Variants in PRKN observed in about 807,000 individuals in gnomAD.
The protein encoded by PRKN is parkin RBR E3 ubiquitin protein ligase, also known as E3 ubiquitin-protein ligase parkin.
A neutral mutation model predicts 59.5 loss-of-function variants in PRKN; 56 were observed. That is an observed-to-expected ratio of 0.94 (90% CI 0.76 to 1.18). The LOEUF (loss-of-function observed/expected upper bound fraction) is 1.18, where lower values mean the gene tolerates loss of function less well. Ranked by LOEUF, PRKN falls within the 50% of genes most tolerant of loss-of-function variation. The pLI, the probability that PRKN is intolerant of heterozygous loss-of-function variation, is 0.00. For missense variants in PRKN, 657 were observed against 596.4 expected, an observed-to-expected ratio of 1.10 and a Z score of -1.06; for synonymous variants, 250 against 222.1, an observed-to-expected ratio of 1.13 and a Z score of -1.12.
intron 9 of PRKN, among the ~76,000 whole-genome samples, chr6:161,408,879 C>T (rs1250915670): frequency 6.6e-6 from 1 of 152,094 alleles, no homozygotes; most frequent in African/African-American, 2.4e-5. Flanking sequence ...TATATGCTAT[C>T]CCCCCAAGTA....
chr6:162,548,191 C>G (rs910357876), intron 1 of PRKN, among the ~76,000 whole-genome samples: 1 of 152,100 alleles, frequency 6.6e-6, no homozygotes, highest in African/African-American at 2.4e-5. Flanking sequence ...TCCTGAGTAG[C>G]TAGGACTACA....
intron 7 of PRKN, among the ~76,000 whole-genome samples, chr6:161,621,807 T>C (rs9365308): frequency 0.21 from 32,626 of 152,132 alleles, 4,292 homozygotes; most frequent in East Asian, 0.57. Flanking sequence ...TGAGAAAGGA[T>C]GTGAATCAAG....
At position 161,549,937 on chromosome 6, in the gene PRKN, G is replaced by A. The variant is rs1267072219; in HGVS notation, c.934-934C>T. 6.6e-6 allele frequency among the ~76,000 whole-genome samples: 1 copy of A among 152,102 alleles called. No homozygotes were observed. The highest frequency in any genetic ancestry group is 2.4e-5 in the African/African-American group (1 of 41,400). On this transcript the variant is annotated intron_variant, in intron 8 of 11. Transcript: ENST00000366898. This position sits in a 1 kb window ranked among gnomAD's most constrained non-coding sequence, Gnocchi z 6.0. Reference sequence around the variant, plus strand: ...GGTTAGAATGTCTAGGATTTCCAATGGTGCTAAGTGAGGAAGAAAATAATC... The same window carrying A: ...GGTTAGAATGTCTAGGATTTCCAATAGTGCTAAGTGAGGAAGAAAATAATC...
chr6:161,816,457 T>G (rs1791785664), intron 6 of PRKN, among the ~76,000 whole-genome samples: 1 of 152,280 alleles, frequency 6.6e-6, no homozygotes, highest in East Asian at 1.9e-4. Flanking sequence ...GGTGTATACA[T>G]GTATCATGAC....
At position 162,660,760 on chromosome 6, in the gene PRKN, T is replaced by C. The variant is rs554958567; in HGVS notation, c.7+66902A>G. Among the ~76,000 whole-genome samples, 4 of 152,036 alleles carry C rather than the reference T, an allele frequency of 2.6e-5. No individual in the cohort carries two copies. The East Asian group carries it at 7.7e-4, about 29-fold the overall frequency. On this transcript the variant is annotated intron_variant, in intron 1 of 11. Coordinates refer to ENST00000366898, the MANE Select transcript of PRKN (RefSeq NM_004562.3). ...ATGAGTGATTGCTGTCCACATGGTC[T>C]GTTCATTGATCTTAAAACCGTCAGC...
intron 7 of PRKN, among the ~76,000 whole-genome samples, chr6:161,596,303 TA>T (rs979588481): frequency 4.0e-5 from 6 of 150,800 alleles, no homozygotes; most frequent in East Asian, 1.9e-4. Flanking sequence ...GGTTGGAGGT[TA>T]AAAAAAAACA....
intron 9 of PRKN, among the ~76,000 whole-genome samples, chr6:161,523,832 C>T (rs763796985): frequency 2.6e-5 from 4 of 152,026 alleles, no homozygotes; most frequent in Non-Finnish European, 4.4e-5. Context: ...TTTTGCAAAA[C>T]ATTTGAACAC....
chr6:161,906,670 ATATATG>A lies in PRKN; in HGVS notation c.734+66626_734+66631del, dbSNP rs928681788. On this transcript the variant is annotated intron_variant, in intron 6 of 11. Coordinates refer to ENST00000366898, the MANE Select transcript of PRKN (RefSeq NM_004562.3). ...TCTAATAGAACATACATATATATAT[ATATATG>A]TATATATGAGTTTATTTAGTAGTAT... 6.3e-4 allele frequency among the ~76,000 whole-genome samples: 73 copies of A among 116,660 alleles called. 3 individuals carry two copies. The highest frequency in any genetic ancestry group is 2.3e-3 in the Admixed American group (27 of 11,838). 76.5% of individuals were successfully genotyped at this position (116,660 alleles called of 152,430 possible).
In PRKN at chr6:161,422,314, T is replaced by C. The variant is rs1483928453; in HGVS notation, c.1084-35437A>G. Reference sequence around the variant, plus strand: ...TCTGAGTTCAAGTGGTTCTCCTGCTTCAGCCTCCCAAGCAGCTGGGACTAC... The same window carrying C: ...TCTGAGTTCAAGTGGTTCTCCTGCTCCAGCCTCCCAAGCAGCTGGGACTAC... On this transcript the variant is annotated intron_variant, in intron 9 of 11. Coordinates refer to ENST00000366898, the MANE Select transcript of PRKN (RefSeq NM_004562.3). Among the ~76,000 whole-genome samples, 3 of 151,862 alleles carry C rather than the reference T, an allele frequency of 2.0e-5. No homozygotes were observed. The East Asian group carries it at 5.8e-4, about 29-fold the overall frequency.
intron 1 of PRKN, among the ~76,000 whole-genome samples, chr6:162,689,385 G>A (rs897773560): frequency 1.2e-4 from 18 of 152,180 alleles, no homozygotes; most frequent in Non-Finnish European, 1.3e-4. Context: ...AAACTGCTAG[G>A]TATTCTTTAC....
At position 161,497,577 on chromosome 6, in the gene PRKN, T is replaced by A. The variant is rs7739983; in HGVS notation, c.1083+51277A>T. On this transcript the variant is annotated intron_variant, in intron 9 of 11. Coordinates refer to ENST00000366898, the MANE Select transcript of PRKN (RefSeq NM_004562.3). The surrounding 1 kb of genome is among the most constrained non-coding windows in gnomAD (Gnocchi z 4.6). ...ATGTCTCTCTCTCTCTCTCTCTCTC[T>A]CACACACACACACACACACACCATA... Among the ~76,000 whole-genome samples, 43,132 of 147,042 alleles carry A rather than the reference T, an allele frequency of 0.29. 6,793 individuals are homozygous for A. Among genetic ancestry groups the A allele is most frequent in the African/African-American group, 0.38 (15,066 of 39,718 alleles).
At chr6:161,942,018 T>C (rs1275795788) in intron 6 of PRKN, among the ~76,000 whole-genome samples, 3 of 152,220 alleles carry the variant, frequency 2.0e-5, no homozygotes, top group Middle Eastern at 3.2e-3. Flanking sequence ...AAAGCATAAG[T>C]GGGTTCTTGC....
intron 1 of PRKN, among the ~76,000 whole-genome samples, chr6:162,495,763 G>A (rs1242647032): frequency 1.3e-5 from 2 of 152,078 alleles, no homozygotes; most frequent in South Asian, 2.1e-4. Flanking sequence ...CATCACCGAC[G>A]TCCACAGGTG....
At chr6:162,215,106 T>C (rs180724401) in intron 3 of PRKN, among the ~76,000 whole-genome samples, 1,771 of 152,112 alleles carry the variant, frequency 0.012, 35 homozygotes, top group African/African-American at 0.041. Context: ...GTAAATCCCC[T>C]CCCCCTAAAT....
intron 4 of PRKN, among the ~76,000 whole-genome samples, chr6:162,176,963 T>C (rs1200052103): frequency 2.0e-5 from 3 of 148,464 alleles, no homozygotes; most frequent in African/African-American, 7.4e-5. Flanking sequence ...AGTCCTTTCA[T>C]AAAATGAAAG....
chr6:162,183,804 A>G (rs544140262), intron 4 of PRKN, among the ~76,000 whole-genome samples: 8 of 152,006 alleles, frequency 5.3e-5, no homozygotes, highest in South Asian at 2.1e-4. Context: ...CCTACCATAC[A>G]CCCCATTTAT....
At chr6:161,854,034 T>A (rs1021429744) in intron 6 of PRKN, among the ~76,000 whole-genome samples, 4 of 147,378 alleles carry the variant, frequency 2.7e-5, no homozygotes, top group African/African-American at 1.0e-4. Context: ...TCACTTGAGG[T>A]CAGGAGTTCG....
At chr6:162,586,737 A>T (rs578191317) in intron 1 of PRKN, among the ~76,000 whole-genome samples, 5 of 151,206 alleles carry the variant, frequency 3.3e-5, no homozygotes, top group South Asian at 4.2e-4. Context: ...ACAGAAAAAG[A>T]AGTTCTGTAA....
At chr6:162,514,382 G>T (rs1777757270) in intron 1 of PRKN, among the ~76,000 whole-genome samples, 1 of 152,046 alleles carries the variant, frequency 6.6e-6, no homozygotes, top group Admixed American at 6.6e-5. Flanking sequence ...TGTGGGGAAA[G>T]GTTAGAAAAA....
Sources: gnomAD v4.1 joint callset for allele counts (sites outside exome capture counted in the v4.1 genomes callset) on GRCh38, gnomAD v4.1.1 for gene constraint, Gnocchi (gnomAD v3.1) non-coding constraint, MANE v1.5 for transcripts, NCBI Gene and HGNC (gene_info 2026-07-23, HGNC 2026-07-21) for gene names.